The following PLCE1 variants were observed in gnomAD, a reference collection of about 807,000 sequenced individuals.
The protein encoded by PLCE1 is 1-phosphatidylinositol 4,5-bisphosphate phosphodiesterase epsilon-1.
PLCE1 carries 119 observed loss-of-function variants against 242.8 expected under a neutral mutation model. The ratio of observed to expected loss-of-function variants is 0.49; its 90% confidence interval spans 0.42 to 0.57. The LOEUF is 0.57. Ranked by LOEUF, PLCE1 falls within the 20% of genes least tolerant of loss-of-function variation. The probability of loss-of-function intolerance (pLI) is 0.00; values close to 1 mark genes in which losing one functional copy is unlikely to be tolerated. For missense variants in PLCE1, 2,441 were observed against 2,788.8 expected (o/e 0.88, Z 2.81); for synonymous variants, 945 against 1,017.4 (o/e 0.93, Z 1.35).
At chr10:94,239,812 C>CCA (rs139641418) in intron 7 of PLCE1, among the ~76,000 whole-genome samples, 4 of 152,058 alleles carry the variant, frequency 2.6e-5, no homozygotes, top group East Asian at 1.9e-4. Context: ...CCAGGATTAA[C>CCA]CACACACACA....
At chr10:94,279,541 A>G in intron 19 of PLCE1, 1 of 543,934 alleles carries the variant, frequency 1.8e-6, no homozygotes, top group Non-Finnish European at 3.3e-6. Context: ...TGGGCACTGC[A>G]CACAGTCTTC....
chr10:94,281,158 T>A (rs2052200038), intron 20 of PLCE1, among the ~76,000 whole-genome samples: 1 of 152,190 alleles, frequency 6.6e-6, no homozygotes, highest in Admixed American at 6.5e-5. Flanking sequence ...TTCTTCCCCA[T>A]TACAGTTGCA....
intron 2 of PLCE1, among the ~76,000 whole-genome samples, chr10:94,081,373 T>C (rs923146559): frequency 2.6e-5 from 4 of 152,236 alleles, no homozygotes; most frequent in African/African-American, 4.8e-5. Context: ...ACATTTTTCT[T>C]CATGATTTCT....
At chr10:94,163,518 C>T (rs1411697938) in intron 3 of PLCE1, among the ~76,000 whole-genome samples, 1 of 152,066 alleles carries the variant, frequency 6.6e-6, no homozygotes, top group Non-Finnish European at 1.5e-5. Flanking sequence ...GGTAGATCTT[C>T]CTCCATCCCT....
At chr10:94,205,619 T>G (rs2049132825) in intron 4 of PLCE1, among the ~76,000 whole-genome samples, 1 of 152,208 alleles carries the variant, frequency 6.6e-6, no homozygotes, top group Non-Finnish European at 1.5e-5. Context: ...AGGAAACAAA[T>G]GGACTGTGCC....
chr10:94,080,060 T>C (rs559463426), intron 2 of PLCE1, among the ~76,000 whole-genome samples: 1 of 152,350 alleles, frequency 6.6e-6, no homozygotes, highest in African/African-American at 2.4e-5. Flanking sequence ...TAGGTTTTTA[T>C]TGTTACTTTC....
At chr10:94,064,743 C>T (rs2044152119) in intron 2 of PLCE1, among the ~76,000 whole-genome samples, 1 of 152,056 alleles carries the variant, frequency 6.6e-6, no homozygotes, top group South Asian at 2.1e-4. Flanking sequence ...GAGTACAGAA[C>T]CTGGGTTGCA....
intron 2 of PLCE1, among the ~76,000 whole-genome samples, chr10:94,033,170 G>T (rs986266857): frequency 6.6e-6 from 1 of 151,958 alleles, no homozygotes; most frequent in Non-Finnish European, 1.5e-5. Flanking sequence ...TGTTCGAGGG[G>T]GTAGGGGGCA....
rs1426033120 is a variant in PLCE1, at chr10:94,171,293, G to A, written c.1606G>A (p.Ala536Thr). 13 of 1,614,140 alleles carry A rather than the reference G, an allele frequency of 8.1e-6. No individual in the cohort carries two copies. Among genetic ancestry groups the A allele is most frequent in the African/African-American group, 1.3e-5 (1 of 75,048 alleles). Reference sequence around the variant, plus strand: ...TCTCATCCAGTTCCCAGAGGAAGTCGCCAGCATCCTGATGGAGCAAGAGCA... The same window carrying A: ...TCTCATCCAGTTCCCAGAGGAAGTCACCAGCATCCTGATGGAGCAAGAGCA... The part of the protein sequence containing the change: ...QPLIQFPEEV[A>T]SILMEQEQTI... The change falls in exon 4 of 33, where the codon GCC (alanine) becomes ACC (threonine). Residue 536 changes from alanine (A) to threonine (T), a missense_variant. Around this residue, in one of 5 missense-constraint regions of PLCE1, gnomAD observed 733 missense variants for 754.2 expected, o/e 0.97. Coordinates refer to ENST00000371380, the MANE Select transcript of PLCE1 (RefSeq NM_016341.4).
chr10:94,263,853 G>A (rs779567061), intron 14 of PLCE1, among the ~76,000 whole-genome samples: 4 of 151,814 alleles, frequency 2.6e-5, no homozygotes, highest in Non-Finnish European at 4.4e-5. Flanking sequence ...ACATATTAAT[G>A]TAGGTCCCAG....
At chr10:94,215,286 G>C (rs1384340494) in intron 4 of PLCE1, among the ~76,000 whole-genome samples, 4 of 152,184 alleles carry the variant, frequency 2.6e-5, no homozygotes, top group Non-Finnish European at 5.9e-5. Context: ...CACCAACATG[G>C]AGTTGGCTGC....
At chr10:94,266,042 G>C in intron 16 of PLCE1, 84 bp downstream of exon 16, 3 of 1,305,500 alleles carry the variant, frequency 2.3e-6, no homozygotes, top group Non-Finnish European at 3.3e-6. Context: ...CCTGACCCCA[G>C]ACTCCTTTGA....
intron 4 of PLCE1, among the ~76,000 whole-genome samples, chr10:94,189,706 C>T (rs573170071): frequency 6.6e-6 from 1 of 152,102 alleles, no homozygotes; most frequent in Non-Finnish European, 1.5e-5. Flanking sequence ...GAAAGAGTCC[C>T]AGTAATTCAG....
chr10:94,113,967 C>A (rs2046036817), intron 2 of PLCE1, among the ~76,000 whole-genome samples: 1 of 152,180 alleles, frequency 6.6e-6, no homozygotes, highest in African/African-American at 2.4e-5. Flanking sequence ...GTTCAGTTTT[C>A]TAAATGCACA....
intron 2 of PLCE1, among the ~76,000 whole-genome samples, chr10:94,126,083 T>C (rs925163354): frequency 6.6e-6 from 1 of 152,218 alleles, no homozygotes. Context: ...CCCTCTTTCA[T>C]GAGTCACAAG....
At chr10:94,072,845 C>G (rs1213099082) in intron 2 of PLCE1, among the ~76,000 whole-genome samples, 1 of 152,126 alleles carries the variant, frequency 6.6e-6, no homozygotes, top group Non-Finnish European at 1.5e-5. Context: ...TCTTTGAGCT[C>G]TCACCAGAAG....
intron 3 of PLCE1, among the ~76,000 whole-genome samples, chr10:94,147,375 T>C (rs1212981949): frequency 6.6e-6 from 1 of 151,568 alleles, no homozygotes; most frequent in African/African-American, 2.4e-5. Flanking sequence ...TGAGCCAAGA[T>C]GGCGCCACTG....
chr10:94,069,508 G>A (rs1441236271), intron 2 of PLCE1, among the ~76,000 whole-genome samples: 3 of 152,164 alleles, frequency 2.0e-5, no homozygotes, highest in East Asian at 3.8e-4. Flanking sequence ...AGCTACTCCG[G>A]AGCCTGAGGC....
rs1564813364 is a variant in PLCE1, at chr10:94,234,213, C to T, written c.2115C>T (p.Phe705=). Residue 705 remains phenylalanine, a synonymous_variant, in exon 6 of 33, where the codon TTC becomes TTT. Transcript: ENST00000371380. ...TCCCTGGCTGTAAGGTGGTTCCATT[C>T]TGTGGGGTGTTTCTGAAGGAGCTCT... is the stretch of plus-strand genomic sequence containing the variant. ...LHIPGCKVVP[F]CGVFLKELCE... The T allele has an allele frequency of 6.2e-7, 1 of 1,614,088 alleles. No individual in the cohort carries two copies. Among genetic ancestry groups the T allele is most frequent in the Non-Finnish European group, 8.5e-7 (1 of 1,179,972 alleles).
Sources: allele counts gnomAD v4.1 joint callset (sites outside exome capture counted in the v4.1 genomes callset), GRCh38; gene constraint gnomAD v4.1.1; regional missense constraint gnomAD v4.1.1; transcripts MANE v1.5; gene names NCBI Gene and HGNC (gene_info 2026-07-23, HGNC 2026-07-21).